The following GRXCR1 variants were observed in gnomAD, a reference collection of about 807,000 sequenced individuals.
GRXCR1 encodes the protein glutaredoxin and cysteine rich domain containing 1.
Under a neutral mutation model 27.3 loss-of-function variants are expected in GRXCR1, and 27 were observed. The observed-to-expected ratio is 0.99, with a 90% confidence interval of 0.73 to 1.37. GRXCR1 has a LOEUF of 1.37. GRXCR1 is among the 40% of genes most tolerant of loss of function. The pLI is 0.00. For synonymous variants in GRXCR1, 122 were observed against 131.1 expected (o/e 0.93, Z 0.47); for missense variants, 379 against 354.4 (o/e 1.07, Z -0.56).
At chr4:42,903,279 A>G (rs1259833099) in intron 1 of GRXCR1, among the ~76,000 whole-genome samples, 1 of 146,372 alleles carries the variant, frequency 6.8e-6, no homozygotes, top group Non-Finnish European at 1.5e-5. Flanking sequence ...CAGAAAACCA[A>G]ATAAAAAATT....
At chr4:42,980,810 C>T (rs777343304) in intron 2 of GRXCR1, among the ~76,000 whole-genome samples, 3 of 151,994 alleles carry the variant, frequency 2.0e-5, no homozygotes, top group East Asian at 1.9e-4. Flanking sequence ...TATTTAGATG[C>T]TCCAGTGTTA....
intron 1 of GRXCR1, among the ~76,000 whole-genome samples, chr4:42,944,299 T>C (rs1577915404): frequency 6.6e-6 from 1 of 152,146 alleles, no homozygotes; most frequent in East Asian, 1.9e-4. Flanking sequence ...ATTTTAAATG[T>C]GCTATGTCTG....
At chr4:42,975,268 T>C (rs761009230) in intron 2 of GRXCR1, among the ~76,000 whole-genome samples, 15 of 152,226 alleles carry the variant, frequency 9.9e-5, no homozygotes, top group East Asian at 7.7e-4. Context: ...GATTGAATAG[T>C]TTTAATATCT....
At chr4:42,945,632 A>G (rs1747725688) in intron 1 of GRXCR1, among the ~76,000 whole-genome samples, 1 of 152,080 alleles carries the variant, frequency 6.6e-6, no homozygotes, top group Admixed American at 6.6e-5. Flanking sequence ...GAGGGTGGTT[A>G]TTTTCTTGCA....
chr4:42,954,394 T>G (rs964458207), intron 1 of GRXCR1, among the ~76,000 whole-genome samples: 21 of 152,238 alleles, frequency 1.4e-4, no homozygotes, highest in Non-Finnish European at 2.5e-4. Context: ...CTTTGGTCAT[T>G]GTATTTAAGA....
At chr4:42,933,964 G>C (rs949191259) in intron 1 of GRXCR1, among the ~76,000 whole-genome samples, 2 of 151,894 alleles carry the variant, frequency 1.3e-5, no homozygotes, top group African/African-American at 4.8e-5. Flanking sequence ...TCCCCCAAGT[G>C]AGATGAATCA....
intron 1 of GRXCR1, among the ~76,000 whole-genome samples, chr4:42,938,182 G>T (rs1292389025): frequency 6.6e-6 from 1 of 151,968 alleles, no homozygotes; most frequent in African/African-American, 2.4e-5. Flanking sequence ...TGTGAAGCTT[G>T]TCTTTCTGTG....
intron 2 of GRXCR1, among the ~76,000 whole-genome samples, chr4:43,012,198 G>A (rs991557890): frequency 5.3e-5 from 8 of 152,096 alleles, no homozygotes; most frequent in Admixed American, 1.3e-4. Context: ...GCTAGCATGC[G>A]GCTCTTTAGC....
chr4:42,958,651 G>A (rs992133), intron 1 of GRXCR1, among the ~76,000 whole-genome samples: 30,026 of 151,888 alleles, frequency 0.2, 3,670 homozygotes, highest in Admixed American at 0.29. Flanking sequence ...GAAAATATTC[G>A]TGAGCCATAT....
intron 1 of GRXCR1, among the ~76,000 whole-genome samples, chr4:42,914,221 C>A (rs1746834191): frequency 1.3e-5 from 2 of 152,178 alleles, no homozygotes; most frequent in Non-Finnish European, 2.9e-5. Context: ...TTACACCCTG[C>A]ACCTGGAAAA....
intron 2 of GRXCR1, among the ~76,000 whole-genome samples, chr4:43,008,739 A>G (rs1712644015): frequency 1.3e-5 from 2 of 152,222 alleles, no homozygotes; most frequent in South Asian, 4.1e-4. Context: ...ATGATCCTAG[A>G]TGTGAATTCT....
At chr4:42,995,524 C>T (rs1425282725) in intron 2 of GRXCR1, among the ~76,000 whole-genome samples, 1 of 152,134 alleles carries the variant, frequency 6.6e-6, no homozygotes, top group Non-Finnish European at 1.5e-5. Context: ...GTGTACCAAC[C>T]ACTAGGAGTC....
At chr4:42,926,997 A>G (rs1387275383) in intron 1 of GRXCR1, among the ~76,000 whole-genome samples, 1 of 152,004 alleles carries the variant, frequency 6.6e-6, no homozygotes, top group Non-Finnish European at 1.5e-5. Context: ...TATAAGGGAG[A>G]CAGAAAACAA....
chr4:43,028,124 A>G (rs1227998556), intron 3 of GRXCR1, among the ~76,000 whole-genome samples: 1 of 151,968 alleles, frequency 6.6e-6, no homozygotes, highest in African/African-American at 2.4e-5. Context: ...AAAAAAAAAA[A>G]GAGATGTTGA....
intron 1 of GRXCR1, among the ~76,000 whole-genome samples, chr4:42,947,197 T>C (rs1577916455): frequency 6.6e-6 from 1 of 151,930 alleles, no homozygotes; most frequent in South Asian, 2.1e-4. Flanking sequence ...TTGGACGAGG[T>C]CATCAGAGAG....
intron 1 of GRXCR1, among the ~76,000 whole-genome samples, chr4:42,955,869 A>C (rs1033145860): frequency 2.0e-5 from 3 of 152,032 alleles, no homozygotes; most frequent in Non-Finnish European, 4.4e-5. Context: ...ACATAGCTTG[A>C]AATAACCCAC....
chr4:42,934,823 G>C (rs945150858), intron 1 of GRXCR1, among the ~76,000 whole-genome samples: 1 of 151,948 alleles, frequency 6.6e-6, no homozygotes, highest in Non-Finnish European at 1.5e-5. Context: ...TGATGACGAG[G>C]CCATGTCAAT....
intron 1 of GRXCR1, among the ~76,000 whole-genome samples, chr4:42,927,284 C>T (rs753765772): frequency 6.6e-6 from 1 of 151,834 alleles, no homozygotes; most frequent in African/African-American, 2.4e-5. Context: ...ATTAAAATAT[C>T]CAAGGGGAAA....
chr4:42,913,771 G>GA lies in GRXCR1; in HGVS notation c.384+20126dup, dbSNP rs201753397. Among the ~76,000 whole-genome samples, 736 of 152,286 alleles carry GA rather than the reference G, an allele frequency of 4.8e-3. 9 individuals are homozygous for GA. Among genetic ancestry groups the GA allele is most frequent in the African/African-American group, 0.017 (699 of 41,568 alleles). On this transcript the variant is annotated intron_variant, in intron 1 of 3. Coordinates refer to ENST00000399770, the MANE Select transcript of GRXCR1 (RefSeq NM_001080476.3). The stretch of plus-strand genomic sequence containing the variant: ...ATCACAGGTGCAGAAACCTAGGAGG[G>GA]AAAAATGGTTTTGTGGGCTGAGCCC...
Sources: allele counts gnomAD v4.1 joint callset (sites outside exome capture counted in the v4.1 genomes callset), GRCh38; gene constraint gnomAD v4.1.1; transcripts MANE v1.5; gene names NCBI Gene and HGNC (gene_info 2026-07-23, HGNC 2026-07-21).